The following PDE10A variants were observed in gnomAD, a reference collection of about 807,000 sequenced individuals.
PDE10A encodes the protein phosphodiesterase 10A.
Under a neutral mutation model 97.7 loss-of-function variants are expected in PDE10A, and 39 were observed. That is an observed-to-expected ratio of 0.40 (90% CI 0.31 to 0.52). The LOEUF (loss-of-function observed/expected upper bound fraction) is 0.52. PDE10A is among the 20% of genes least tolerant of loss of function. PDE10A has a pLI of 0.56. For missense variants in PDE10A, 731 were observed against 1,047.8 expected (o/e 0.70, Z 4.17); for synonymous variants, 371 against 376.8 (o/e 0.98, Z 0.18).
At chr6:165,436,852 C>G (rs1790053809) in intron 5 of PDE10A, among the ~76,000 whole-genome samples, 1 of 151,898 alleles carries the variant, frequency 6.6e-6, no homozygotes, top group Non-Finnish European at 1.5e-5. Flanking sequence ...CTATCATTGT[C>G]CAAATACAAT....
At position 165,647,380 on chromosome 6, in the gene PDE10A, A is replaced by AC. The variant is rs1303759327; in HGVS notation, c.865+14566dup. ...CAGCATCGTTCTGCTTTTAGACAGG[A>AC]CCGAGTGAAGGCGAAACGCTCAGAG... is the stretch of plus-strand genomic sequence containing the variant. On this transcript the variant is annotated intron_variant, in intron 1 of 21. Coordinates refer to ENST00000539869, the MANE Select transcript of PDE10A (RefSeq NM_001385079.1). 8.5e-5 allele frequency among the ~76,000 whole-genome samples: 13 copies of AC among 152,284 alleles called. No individual in the cohort carries two copies. The East Asian group carries it at 2.5e-3, about 29-fold the overall frequency.
intron 13 of PDE10A, among the ~76,000 whole-genome samples, chr6:165,404,282 G>A (rs760295228): frequency 6.6e-6 from 1 of 152,122 alleles, no homozygotes; most frequent in African/African-American, 2.4e-5. Flanking sequence ...ACCCATCGCA[G>A]GGTGTGGCTT....
At chr6:165,404,906 A>G (rs1849205) in intron 13 of PDE10A, among the ~76,000 whole-genome samples, 56,013 of 151,770 alleles carry the variant, frequency 0.37, 10,544 homozygotes, top group Middle Eastern at 0.4. Context: ...TTTCTTTCTC[A>G]GTAGAGTTGT....
intron 1 of PDE10A, among the ~76,000 whole-genome samples, chr6:165,695,879 C>T (rs1465056968): frequency 2.0e-5 from 3 of 152,144 alleles, no homozygotes; most frequent in Non-Finnish European, 2.9e-5. Flanking sequence ...TTCCAAGGAG[C>T]CAGAATTTGA....
At chr6:165,905,827 G>C (rs1202517183) in intron 1 of PDE10A, among the ~76,000 whole-genome samples, 1 of 151,906 alleles carries the variant, frequency 6.6e-6, no homozygotes, top group East Asian at 1.9e-4. Flanking sequence ...CCAGATGTCA[G>C]GTTTAAAAAC....
intron 1 of PDE10A, among the ~76,000 whole-genome samples, chr6:165,794,397 T>C (rs924763772): frequency 2.1e-4 from 31 of 149,758 alleles, no homozygotes; most frequent in Non-Finnish European, 4.1e-4. Context: ...TCACACATGC[T>C]CACACTCATC....
chr6:165,544,331 T>C (rs1783624919), intron 1 of PDE10A, among the ~76,000 whole-genome samples: 1 of 152,208 alleles, frequency 6.6e-6, no homozygotes, highest in Non-Finnish European at 1.5e-5. Flanking sequence ...CTTTTCATAG[T>C]CCAATGATAA....
At chr6:165,369,694 C>A (rs1784085132) in intron 18 of PDE10A, among the ~76,000 whole-genome samples, 1 of 138,048 alleles carries the variant, frequency 7.2e-6, no homozygotes, top group Non-Finnish European at 1.5e-5. Context: ...CCTAGCAAGG[C>A]AGGCCAACGT....
At position 165,382,062 on chromosome 6, in the gene PDE10A, C is replaced by T. The variant is rs114221266; in HGVS notation, c.2611-2696G>A. Among the ~76,000 whole-genome samples, 1,110 of 152,280 alleles carry T rather than the reference C, an allele frequency of 7.3e-3. 13 individuals are homozygous for T. The highest frequency in any genetic ancestry group is 0.025 in the African/African-American group (1,056 of 41,560). ...CAAGCATGAAATAGTAGACTTTTTA[C>T]ACCCACGAATGTTTCTAAAACTTAA... On this transcript the variant is annotated intron_variant, in intron 17 of 21. Transcript: ENST00000539869.
In PDE10A at chr6:165,824,315, A is replaced by C. The variant is rs532014888; in HGVS notation, c.-615+163214T>G. ...TTTGATAAAGAAGAAACAAAACAAA[A>C]ATTCAACAAAAAGTTCAATCCCCAA... is the stretch of plus-strand genomic sequence containing the variant. On this transcript the variant is annotated intron_variant, in intron 1 of 19. Coordinates refer to the PDE10A transcript ENST00000366882. 7.9e-5 allele frequency among the ~76,000 whole-genome samples: 12 copies of C among 152,358 alleles called. No individual in the cohort carries two copies. In the South Asian group the frequency reaches 2.5e-3, roughly 32 times the overall value.
At chr6:165,416,334 TA>T in intron 11 of PDE10A, 53 bp from the exon 12 acceptor site, 1 of 1,112,686 alleles carries the variant, frequency 9.0e-7, no homozygotes, top group South Asian at 1.2e-5. Flanking sequence ...CTCTGTAGAA[TA>T]ATTCAAAAAT....
intron 1 of PDE10A, among the ~76,000 whole-genome samples, chr6:165,821,358 G>A (rs114965466): frequency 9.9e-5 from 15 of 152,224 alleles, no homozygotes; most frequent in South Asian, 4.2e-4. Flanking sequence ...AATCATGATC[G>A]TGACAACAGA....
At chr6:165,898,440 C>T (rs1256561198) in intron 1 of PDE10A, among the ~76,000 whole-genome samples, 1 of 152,076 alleles carries the variant, frequency 6.6e-6, no homozygotes, top group East Asian at 1.9e-4. Flanking sequence ...CCAAGATGAA[C>T]AGGCCACTCC....
intron 1 of PDE10A, among the ~76,000 whole-genome samples, chr6:165,927,326 G>A (rs1782967840): frequency 6.6e-6 from 1 of 152,060 alleles, no homozygotes; most frequent in Non-Finnish European, 1.5e-5. Context: ...ACTGCTGTTA[G>A]AAACAGCCTA....
In PDE10A at chr6:165,879,335, G is replaced by A. The variant is rs922195218; in HGVS notation, c.-615+108194C>T. Among the ~76,000 whole-genome samples the A allele has an allele frequency of 2.0e-5, 3 of 152,162 alleles. No homozygotes were observed. In the South Asian group the frequency reaches 6.2e-4, roughly 32 times the overall value. Reference sequence around the variant, plus strand: ...GCTGGACTTTCAAAATCTTAGCTTTGCTGTAGTTTGAGCAATTTTGGGGGA... The same window carrying A: ...GCTGGACTTTCAAAATCTTAGCTTTACTGTAGTTTGAGCAATTTTGGGGGA... On this transcript the variant is annotated intron_variant, in intron 1 of 19. Transcript: ENST00000366882.
intron 17 of PDE10A, among the ~76,000 whole-genome samples, chr6:165,383,270 A>G (rs111383684): frequency 1.3e-3 from 196 of 152,348 alleles, no homozygotes; most frequent in Middle Eastern, 6.8e-3. Context: ...AAGGCAAAGA[A>G]AAAGTATAGT....
At chr6:165,976,801 G>C (rs575077930) in intron 1 of PDE10A, among the ~76,000 whole-genome samples, 1 of 152,272 alleles carries the variant, frequency 6.6e-6, no homozygotes, top group South Asian at 2.1e-4. Flanking sequence ...GCTGTTCCTG[G>C]GCTCTGCAGT....
intron 18 of PDE10A, among the ~76,000 whole-genome samples, chr6:165,362,789 A>T (rs2128194025): frequency 6.6e-6 from 1 of 152,342 alleles, no homozygotes; most frequent in Non-Finnish European, 1.5e-5. Context: ...AGTATAATTT[A>T]TGAATACAGG....
intron 1 of PDE10A, among the ~76,000 whole-genome samples, chr6:165,607,158 T>C (rs1439137994): frequency 6.6e-6 from 1 of 152,232 alleles, no homozygotes; most frequent in Non-Finnish European, 1.5e-5. Context: ...CAGGACCTGA[T>C]GGTGCTAATG....
Sources: gnomAD v4.1 joint callset for allele counts (sites outside exome capture counted in the v4.1 genomes callset) on GRCh38, gnomAD v4.1.1 for gene constraint, MANE v1.5 for transcripts, NCBI Gene and HGNC (gene_info 2026-07-23, HGNC 2026-07-21) for gene names.